The following DCTD variants were observed in gnomAD, a reference collection of about 807,000 sequenced individuals.
DCTD encodes deoxycytidylate deaminase.
In DCTD, 23 loss-of-function variants were observed where a neutral mutation model predicts 21.0. The ratio of observed to expected loss-of-function variants is 1.09; its 90% CI spans 0.79 to 1.55. DCTD has a LOEUF of 1.55. Ranked by LOEUF, DCTD falls within the 40% of genes most tolerant of loss-of-function variation. DCTD has a pLI of 0.00. For synonymous variants in DCTD, 71 were observed against 81.1 expected (o/e 0.88, Z 0.67); for missense variants, 224 against 230.0 (o/e 0.97, Z 0.17).
At chr4:182,894,450 G>T (rs759818497) in intron 4 of DCTD, 39 bp downstream of exon 4, 2 of 1,210,884 alleles carry the variant, frequency 1.7e-6, no homozygotes, top group Non-Finnish European at 2.5e-6. Context: ...CGAGCAGGCA[G>T]CAATGCAAAT....
chr4:182,894,338 A>C, intron 4 of DCTD, 151 bp downstream of exon 4: 1 of 588,662 alleles, frequency 1.7e-6, no homozygotes, highest in Non-Finnish European at 3.1e-6. Context: ...GGCACCATTC[A>C]AAAACAAAAC....
At chr4:182,916,824 C>T (rs1456816909) in intron 1 of DCTD, 4 of 1,103,186 alleles carry the variant, frequency 3.6e-6, no homozygotes, top group Non-Finnish European at 3.4e-6. Flanking sequence ...TGTGGCTGAA[C>T]GCCCACTAGA....
chr4:182,915,101 T>C (rs1278543227), intron 2 of DCTD, 43 bp from the exon 3 acceptor site: 1 of 1,613,706 alleles, frequency 6.2e-7, no homozygotes, highest in African/African-American at 1.3e-5. Context: ...TGCAACTGGC[T>C]GGTCTGCCGC....
chr4:182,914,542 A>G (rs1209862187), intron 3 of DCTD, among the ~76,000 whole-genome samples: 1 of 152,224 alleles, frequency 6.6e-6, no homozygotes, highest in Non-Finnish European at 1.5e-5. Context: ...GCTTCCAAGT[A>G]GTAAAAAAAG....
chr4:182,892,212 C>T (rs1030503253), intron 5 of DCTD, among the ~76,000 whole-genome samples: 6 of 152,164 alleles, frequency 3.9e-5, no homozygotes, highest in Admixed American at 6.5e-5. Flanking sequence ...TGCTGCTGAA[C>T]GCCAATACCA....
rs750532987 is a variant in DCTD at position 182,915,009 on chromosome 4, T to C, written c.158A>G (p.Tyr53Cys). 3.1e-6 allele frequency: 5 copies of C among 1,614,084 alleles called. No homozygotes were observed. The highest frequency in any genetic ancestry group is 2.2e-5 in the South Asian group (2 of 91,080). Reference sequence around the variant, plus strand: ...ACTGCACCCATTTGGCATCCCATTGTACCCAATCCCGACAATCTTGTTTTC... The same window carrying C: ...ACTGCACCCATTTGGCATCCCATTGCACCCAATCCCGACAATCTTGTTTTC... ...NSENKIVGIG[Y>C]NGMPNGCSDD... Residue 53 changes from tyrosine to cysteine, a missense_variant, in exon 3 of 6, where the codon TAC becomes TGC. Physicochemically the swap from Tyr to Cys is radical, Grantham distance 194. Coordinates refer to ENST00000438320, the MANE Select transcript of DCTD (RefSeq NM_001921.3).
At chr4:182,908,476 GT>G (rs1737097596) in intron 3 of DCTD, among the ~76,000 whole-genome samples, 1 of 152,086 alleles carries the variant, frequency 6.6e-6, no homozygotes, top group African/African-American at 2.4e-5. Context: ...GAGGTCAGGA[GT>G]TTGAGACCAG....
chr4:182,909,057 C>G (rs1737235219), intron 3 of DCTD, among the ~76,000 whole-genome samples: 1 of 152,142 alleles, frequency 6.6e-6, no homozygotes, highest in South Asian at 2.1e-4. Flanking sequence ...AACATGTGTG[C>G]TCTTCAAAAC....
Position 182,891,284 on chromosome 4 carries a change from C to G in DCTD, c.*115G>C, listed in dbSNP as rs1733697867. The G allele has an allele frequency of 1.4e-6, 1 of 726,346 alleles. No homozygotes were observed. The highest frequency in any genetic ancestry group is 2.5e-6 in the Non-Finnish European group (1 of 405,802). The allele number at this position is 726,346 out of a possible 1,614,324, so 45.0% of individuals were successfully genotyped here. Reference sequence around the variant, plus strand: ...TTTGAGGCTTTATATTCTTTAGATGCCTACTTTTGCCATACTGGCTAGTAA... The same window carrying G: ...TTTGAGGCTTTATATTCTTTAGATGGCTACTTTTGCCATACTGGCTAGTAA... On this transcript the variant is annotated 3_prime_UTR_variant, in exon 6 of 6. Transcript: ENST00000438320.
Position 182,917,236 on chromosome 4 carries a change from G to A in DCTD, c.-8+75C>T. The A allele has an allele frequency of 1.0e-6, 1 of 1,001,690 alleles. No individual in the cohort carries two copies. Among genetic ancestry groups the A allele is most frequent in the Non-Finnish European group, 1.2e-6 (1 of 841,822 alleles). The allele number at this position is 1,001,690 out of a possible 1,614,324, so 62.1% of individuals were successfully genotyped here. A position where few individuals can be genotyped will look rare whatever the true frequency, so the allele number is the denominator to read the frequency against. Reference sequence around the variant, plus strand: ...CCCGGCAGCCAGCGCCCCGCGCCACGCGCTCGGGACGGTGCCACGCGGCGG... The same window carrying A: ...CCCGGCAGCCAGCGCCCCGCGCCACACGCTCGGGACGGTGCCACGCGGCGG... On this transcript the variant is annotated intron_variant, in intron 1 of 5. Coordinates refer to ENST00000438320, the MANE Select transcript of DCTD (RefSeq NM_001921.3). This position sits in a 1 kb window ranked among gnomAD's most constrained non-coding sequence, Gnocchi z 4.9.
At chr4:182,900,913 C>T (rs904464221) in intron 3 of DCTD, among the ~76,000 whole-genome samples, 2 of 150,984 alleles carry the variant, frequency 1.3e-5, no homozygotes, top group African/African-American at 2.4e-5. Context: ...ACTGCATTAA[C>T]CTTGGACCAT....
At chr4:182,913,623 C>T (rs906691326) in intron 3 of DCTD, among the ~76,000 whole-genome samples, 1 of 152,196 alleles carries the variant, frequency 6.6e-6, no homozygotes, top group African/African-American at 2.4e-5. Flanking sequence ...GTACATCACG[C>T]CTTGGCCTGA....
At chr4:182,917,426 C>T (rs560020634), upstream of DCTD, 28 of 936,834 alleles carry the variant, frequency 3.0e-5, no homozygotes, top group South Asian at 9.6e-4. This position sits in a 1 kb window ranked among gnomAD's most constrained non-coding sequence, Gnocchi z 4.9. Flanking sequence ...GGCAGCGGCC[C>T]GGGCGCCGCG....
Position 182,891,355 on chromosome 4 carries a change from GA to G in DCTD, c.*43del, listed in dbSNP as rs780441157. ...GATGAAAGGCATTAGCAACCTCTTA[GA>G]AGACGATAATCCCAATCTTCTGGAG... On this transcript the variant is annotated 3_prime_UTR_variant, in exon 6 of 6. Coordinates refer to ENST00000438320, the MANE Select transcript of DCTD (RefSeq NM_001921.3). The G allele has an allele frequency of 3.9e-5, 54 of 1,392,636 alleles. No individual in the cohort carries two copies. Among genetic ancestry groups the G allele is most frequent in the Non-Finnish European group, 5.3e-5 (52 of 979,158 alleles). The allele number at this position is 1,392,636 out of a possible 1,614,324, so 86.3% of individuals were successfully genotyped here. A position where few individuals can be genotyped will look rare whatever the true frequency, so the allele number is the denominator to read the frequency against.
chr4:182,908,452 C>A (rs945449736), intron 3 of DCTD, among the ~76,000 whole-genome samples: 30 of 152,108 alleles, frequency 2.0e-4, no homozygotes, highest in Non-Finnish European at 3.4e-4. Context: ...GAGGCTGAGG[C>A]GGGTGGATCA....
chr4:182,896,107 CAGG>C, intron 3 of DCTD, among the ~76,000 whole-genome samples: 1 of 152,318 alleles, frequency 6.6e-6, no homozygotes, highest in Non-Finnish European at 1.5e-5. Flanking sequence ...GTAACACTTC[CAGG>C]AGTTCTGAGG....
At chr4:182,897,238 T>G (rs936804864) in intron 3 of DCTD, among the ~76,000 whole-genome samples, 2 of 151,824 alleles carry the variant, frequency 1.3e-5, no homozygotes, top group African/African-American at 4.8e-5. Context: ...ATAAACAGAC[T>G]TCCTTTCTTT....
chr4:182,891,332 T>C lies in DCTD; in HGVS notation c.*67A>G, dbSNP rs1733703800. 3.7e-6 allele frequency: 4 copies of C among 1,094,726 alleles called. No homozygotes were observed. The highest frequency in any genetic ancestry group is 2.5e-5 in the South Asian group (2 of 78,918). The allele number at this position is 1,094,726 out of a possible 1,614,324, so 67.8% of individuals were successfully genotyped here. ...TAAGAAGTTATGTGTAACTTCAAGA[T>C]GAAAGGCATTAGCAACCTCTTAGAA... On this transcript the variant is annotated 3_prime_UTR_variant, in exon 6 of 6. Transcript: ENST00000438320.
Position 182,917,176 on chromosome 4 carries a change from G to A in DCTD, c.-8+135C>T, listed in dbSNP as rs565508856. ...TCCGATCTAAAGGCTGAGCGCGGCC[G>A]AGGCGCCCCCAGCGTCCGCGGCCCC... On this transcript the variant is annotated intron_variant, in intron 1 of 5. Coordinates refer to ENST00000438320, the MANE Select transcript of DCTD (RefSeq NM_001921.3). The surrounding 1 kb of genome is among the most constrained non-coding windows in gnomAD (Gnocchi z 4.9). 4.0e-4 allele frequency: 400 copies of A among 989,826 alleles called. 1 individual carries two copies. In the Middle Eastern group the frequency reaches 5.2e-3, roughly 13 times the overall value. 61.3% of individuals were successfully genotyped at this position (989,826 alleles called of 1,614,324 possible).
Sources: allele counts gnomAD v4.1 joint callset (sites outside exome capture counted in the v4.1 genomes callset), GRCh38; gene constraint gnomAD v4.1.1; non-coding constraint Gnocchi (gnomAD v3.1); transcripts MANE v1.5; gene names NCBI Gene and HGNC (gene_info 2026-07-23, HGNC 2026-07-21).